Variants in NOS1AP observed in about 807,000 individuals in gnomAD.
NOS1AP encodes carboxyl-terminal PDZ ligand of neuronal nitric oxide synthase protein.
A neutral mutation model predicts 56.2 loss-of-function variants in NOS1AP; 21 were observed. The ratio of observed to expected loss-of-function variants is 0.37; its 90% CI spans 0.26 to 0.54. The LOEUF (loss-of-function observed/expected upper bound fraction) is 0.54. Among genes scored for constraint, NOS1AP ranks in the 20% least tolerant of loss-of-function variants. The pLI is 0.84. For synonymous variants in NOS1AP, 270 were observed against 274.6 expected (o/e 0.98, Z 0.17); for missense variants, 522 against 657.8 (o/e 0.79, Z 2.26).
chr1:162,147,353 A>C (rs1649516489), intron 1 of NOS1AP, among the ~76,000 whole-genome samples: 2 of 149,350 alleles, frequency 1.3e-5, no homozygotes, highest in South Asian at 4.2e-4. Context: ...AAAAAAAAAA[A>C]GATAAATACA....
Position 162,115,375 on chromosome 1 carries a change from C to A in NOS1AP, c.106-39030C>A, listed in dbSNP as rs535797343. ...TGTGATGATGGGTAAATTACTTCAC[C>A]TCTTTGAGCCTCAGGTGCTCTGTTT... On this transcript the variant is annotated intron_variant, in intron 1 of 9. Transcript: ENST00000361897. 5.9e-5 allele frequency among the ~76,000 whole-genome samples: 9 copies of A among 151,766 alleles called. No individual in the cohort carries two copies. The South Asian group carries it at 1.9e-3, about 32-fold the overall frequency.
At chr1:162,232,305 A>G (rs928175735) in intron 2 of NOS1AP, among the ~76,000 whole-genome samples, 1 of 151,954 alleles carries the variant, frequency 6.6e-6, no homozygotes, top group Non-Finnish European at 1.5e-5. Context: ...TGGTTTATTC[A>G]GTTTCTGTTA....
chr1:162,132,443 G>T (rs993073427), intron 1 of NOS1AP, among the ~76,000 whole-genome samples: 2 of 152,206 alleles, frequency 1.3e-5, no homozygotes. Flanking sequence ...CCTCATAGGA[G>T]AAATGATCTT....
At chr1:162,223,969 T>C (rs775142583) in intron 2 of NOS1AP, among the ~76,000 whole-genome samples, 57 of 152,232 alleles carry the variant, frequency 3.7e-4, no homozygotes, top group Non-Finnish European at 3.1e-4. Flanking sequence ...TCATGGATAA[T>C]ACATTTTCTG....
At chr1:162,312,153 G>A (rs1332592249) in intron 4 of NOS1AP, among the ~76,000 whole-genome samples, 5 of 149,640 alleles carry the variant, frequency 3.3e-5, no homozygotes, top group African/African-American at 5.0e-5. Flanking sequence ...CTGAGGAATC[G>A]CCACACTGAT....
At chr1:162,222,564 T>A (rs148135183) in intron 2 of NOS1AP, among the ~76,000 whole-genome samples, 49 of 152,334 alleles carry the variant, frequency 3.2e-4, no homozygotes, top group African/African-American at 1.2e-3. Context: ...TTTTTTACTT[T>A]GATAATATTT....
At chr1:162,099,222 C>T (rs1395762418) in intron 1 of NOS1AP, among the ~76,000 whole-genome samples, 8 of 145,624 alleles carry the variant, frequency 5.5e-5, no homozygotes, top group South Asian at 4.3e-4. Context: ...GATGGAGTCT[C>T]GCTCTGCCAG....
chr1:162,310,188 T>C (rs111885677), intron 4 of NOS1AP, among the ~76,000 whole-genome samples: 1 of 152,166 alleles, frequency 6.6e-6, no homozygotes, highest in African/African-American at 2.4e-5. Context: ...CTGGAAGGGG[T>C]CAAAGGCACA....
chr1:162,163,113 A>G (rs549083977), intron 2 of NOS1AP, among the ~76,000 whole-genome samples: 4 of 152,354 alleles, frequency 2.6e-5, no homozygotes, highest in African/African-American at 9.6e-5. Flanking sequence ...AGGTTCATCC[A>G]TATTGGGACA....
At chr1:162,363,726 T>A (rs1490720873) in intron 8 of NOS1AP, 2 of 913,892 alleles carry the variant, frequency 2.2e-6, no homozygotes, top group Non-Finnish European at 2.6e-6. Flanking sequence ...GAGCTATATG[T>A]CAGGAAACAG....
Position 162,106,372 on chromosome 1 carries a change from C to T in NOS1AP, c.105+36090C>T, listed in dbSNP as rs571645078. Among the ~76,000 whole-genome samples, 3 of 152,304 alleles carry T rather than the reference C, an allele frequency of 2.0e-5. No homozygotes were observed. In the South Asian group the frequency reaches 6.2e-4, roughly 32 times the overall value. On this transcript the variant is annotated intron_variant, in intron 1 of 9. Transcript: ENST00000361897. ...TTGAAGTTGCTGAATTCACTTGCTC[C>T]TTTCATTCCTTTCTCTGAGCACCAC...
intron 2 of NOS1AP, among the ~76,000 whole-genome samples, chr1:162,192,484 A>T (rs1285433758): frequency 1.3e-5 from 2 of 152,200 alleles, no homozygotes; most frequent in East Asian, 3.9e-4. Context: ...TAGGTTCAGA[A>T]CAAGGAATAC....
intron 3 of NOS1AP, among the ~76,000 whole-genome samples, chr1:162,296,705 T>C (rs1269753351): frequency 1.3e-5 from 2 of 152,238 alleles, no homozygotes; most frequent in Admixed American, 6.5e-5. Flanking sequence ...TTATTTTGCC[T>C]CATTATTCTT....
chr1:162,252,219 G>A (rs1170909275), intron 2 of NOS1AP, among the ~76,000 whole-genome samples: 2 of 151,826 alleles, frequency 1.3e-5, no homozygotes, highest in Non-Finnish European at 2.9e-5. Context: ...GCTAATTTTT[G>A]TATTTTTTAT....
At chr1:162,237,850 A>G (rs1044665214) in intron 2 of NOS1AP, among the ~76,000 whole-genome samples, 1 of 126,928 alleles carries the variant, frequency 7.9e-6, no homozygotes, top group African/African-American at 2.6e-5. Flanking sequence ...TTTGGTCCCC[A>G]GTAGAAATGG....
In NOS1AP at chr1:162,118,060, G is replaced by T. The variant is rs572177504; in HGVS notation, c.106-36345G>T. ...TGTTATGAGAAGATACAGATAAAAA[G>T]ATTATGAAATGTTTTATTAATAACA... On this transcript the variant is annotated intron_variant, in intron 1 of 9. Transcript: ENST00000361897. Among the ~76,000 whole-genome samples, 25 of 152,314 alleles carry T rather than the reference G, an allele frequency of 1.6e-4. No homozygotes were observed. In the East Asian group the frequency reaches 4.6e-3, roughly 28 times the overall value.
intron 1 of NOS1AP, among the ~76,000 whole-genome samples, chr1:162,093,208 A>G (rs1192721391): frequency 6.6e-6 from 1 of 152,210 alleles, no homozygotes. Context: ...GCAGGGGATA[A>G]GTAGGAATGT....
chr1:162,366,012 ACT>A (rs758921421), intron 9 of NOS1AP, among the ~76,000 whole-genome samples: 16 of 151,984 alleles, frequency 1.1e-4, no homozygotes, highest in Non-Finnish European at 2.2e-4. Flanking sequence ...GTATTTCAAG[ACT>A]CTGTCACACA....
chr1:162,297,323 A>G (rs373519993), intron 3 of NOS1AP, among the ~76,000 whole-genome samples: 3 of 152,342 alleles, frequency 2.0e-5, no homozygotes, highest in African/African-American at 7.2e-5. Flanking sequence ...AGAAGTGAAG[A>G]TGCATTCTCT....
Sources: gnomAD v4.1 joint callset for allele counts (sites outside exome capture counted in the v4.1 genomes callset) on GRCh38, gnomAD v4.1.1 for gene constraint, MANE v1.5 for transcripts, NCBI Gene and HGNC (gene_info 2026-07-23, HGNC 2026-07-21) for gene names.